DNAH9: variants seen among roughly 807,000 people sequenced by gnomAD.
DNAH9 encodes DNAH9 variant protein.
A neutral mutation model predicts 471.6 loss-of-function variants in DNAH9; 345 were observed. The observed-to-expected ratio is 0.73, with a 90% CI of 0.67 to 0.80. The LOEUF (loss-of-function observed/expected upper bound fraction) is 0.80. DNAH9 is among the 30% of genes least tolerant of loss of function. DNAH9 has a pLI of 0.00. For synonymous variants in DNAH9, 2,093 were observed against 2,123.6 expected (o/e 0.99, Z 0.40); for missense variants, 5,407 against 5,609.2 (o/e 0.96, Z 1.15).
intron 28 of DNAH9, among the ~76,000 whole-genome samples, chr17:11,729,219 C>T (rs974591367): frequency 1.3e-5 from 2 of 152,092 alleles, no homozygotes; most frequent in African/African-American, 4.8e-5. Flanking sequence ...GCTCCATTCC[C>T]CCCAGGAACC....
chr17:11,942,554 AAGG>A, intron 67 of DNAH9, 69 bp downstream of exon 67: 1 of 1,500,074 alleles, frequency 6.7e-7, no homozygotes, highest in Non-Finnish European at 9.0e-7. Context: ...TATGGGGAAG[AAGG>A]AGCACTGGGG....
chr17:11,799,711 G>A (rs1908016216), intron 43 of DNAH9, among the ~76,000 whole-genome samples: 1 of 152,182 alleles, frequency 6.6e-6, no homozygotes, highest in Non-Finnish European at 1.5e-5. Context: ...AGCCTCTGAA[G>A]TAGCTGGGAT....
Position 11,598,550 on chromosome 17 carries a change from G to A in DNAH9, c.52G>A (p.Glu18Lys). The change falls in exon 1 of 69, where the codon GAA becomes AAA. Residue 18 changes from glutamate (E) to lysine (K), a missense_variant. By Grantham distance (56) the Glu-to-Lys change is moderately conservative. Coordinates refer to ENST00000262442, the MANE Select transcript of DNAH9 (RefSeq NM_001372.4). The stretch of plus-strand genomic sequence containing the variant: ...GCTCGCGGCGGAGAACGCGGATGGG[G>A]AACCCGGCGCCGACCGACGACTGCG... ...AALAAENADG[E>K]PGADRRLRLL... 7.1e-7 allele frequency: 1 copy of A among 1,409,746 alleles called. No homozygotes were observed. Among genetic ancestry groups the A allele is most frequent in the South Asian group, 1.5e-5 (1 of 65,864 alleles). 87.3% of individuals were successfully genotyped at this position (1,409,746 alleles called of 1,614,324 possible).
chr17:11,773,142 AG>A (rs1968281219), intron 38 of DNAH9, among the ~76,000 whole-genome samples: 1 of 152,218 alleles, frequency 6.6e-6, no homozygotes, highest in African/African-American at 2.4e-5. Flanking sequence ...TTCAATGAAG[AG>A]GCAAACTGTT....
Position 11,757,578 on chromosome 17 carries a change from G to C in DNAH9, c.6881G>C (p.Trp2294Ser), listed in dbSNP as rs1161351244. The C allele has an allele frequency of 1.2e-6, 2 of 1,613,794 alleles. No homozygotes were observed. The highest frequency in any genetic ancestry group is 2.7e-5 in the African/African-American group (2 of 74,904). The change falls in exon 35 of 69, where the codon TGG (tryptophan) becomes TCG (serine). Residue 2294 changes from tryptophan (W) to serine (S), a missense_variant. Trp to Ser is a radical substitution (Grantham distance 177, BLOSUM62 -3). This residue lies in a region of DNAH9 where 4,636 missense variants were observed against 4,900.3 expected (regional missense o/e 0.95). Coordinates refer to ENST00000262442, the MANE Select transcript of DNAH9 (RefSeq NM_001372.4). ...TACATCAACCCGGCAGACTTGGGAT[G>C]GAACCCTCCAGTGAGCAGCTGGATT... The part of the protein sequence containing the change: ...ILYINPADLG[W>S]NPPVSSWIEK...
At chr17:11,894,604 A>T in intron 59 of DNAH9, 108 bp downstream of exon 59, 1 of 1,454,520 alleles carries the variant, frequency 6.9e-7, no homozygotes, top group Non-Finnish European at 9.3e-7. Context: ...TCAAGCATGG[A>T]GCTGTGTTAA....
intron 45 of DNAH9, among the ~76,000 whole-genome samples, chr17:11,815,144 T>C (rs567488339): frequency 2.0e-5 from 3 of 151,762 alleles, no homozygotes; most frequent in South Asian, 4.2e-4. Context: ...CAAAGAGCAA[T>C]GCAAAAAGAA....
intron 43 of DNAH9, among the ~76,000 whole-genome samples, chr17:11,799,282 G>T (rs183752316): frequency 2.0e-5 from 3 of 151,672 alleles, no homozygotes; most frequent in Non-Finnish European, 4.4e-5. Flanking sequence ...TCATTCATTG[G>T]ACCAACTACT....
chr17:11,645,021 A>G (rs2073354516), intron 11 of DNAH9, among the ~76,000 whole-genome samples: 1 of 152,234 alleles, frequency 6.6e-6, no homozygotes, highest in African/African-American at 2.4e-5. Context: ...CTCAGCAGAA[A>G]GCAACAGTGC....
At chr17:11,877,624 C>G (rs139762623) in intron 53 of DNAH9, among the ~76,000 whole-genome samples, 2 of 151,990 alleles carry the variant, frequency 1.3e-5, no homozygotes, top group African/African-American at 4.8e-5. Flanking sequence ...CAAGCATGCA[C>G]GCACTAAGGT....
chr17:11,620,545 A>C (rs965926369), intron 6 of DNAH9, among the ~76,000 whole-genome samples: 2 of 151,784 alleles, frequency 1.3e-5, no homozygotes, highest in African/African-American at 2.4e-5. Context: ...TTTAATAAAT[A>C]GTTGTCATTT....
At position 11,913,643 on chromosome 17, in the gene DNAH9, G is replaced by A. The variant is rs1482988745; in HGVS notation, c.11749+7834G>A. Among the ~76,000 whole-genome samples, 9 of 151,978 alleles carry A rather than the reference G, an allele frequency of 5.9e-5. No individual in the cohort carries two copies. The South Asian group carries it at 6.2e-4, about 11-fold the overall frequency. On this transcript the variant is annotated intron_variant, in intron 61 of 68. Transcript: ENST00000262442. ...TAAAAATACAAAAAATTAGCTGGGC[G>A]TGGTGGCAGGCACCTGTAGTCCCAG...
intron 30 of DNAH9, among the ~76,000 whole-genome samples, chr17:11,743,560 C>T (rs918560958): frequency 2.0e-5 from 3 of 152,212 alleles, no homozygotes; most frequent in Non-Finnish European, 4.4e-5. Context: ...CCTACCTCAA[C>T]AGCAGCGGCT....
intron 50 of DNAH9, among the ~76,000 whole-genome samples, chr17:11,855,185 AG>A (rs1422050355): frequency 6.6e-6 from 1 of 152,100 alleles, no homozygotes; most frequent in African/African-American, 2.4e-5. Context: ...TACAGGTATG[AG>A]CCACTGAGCC....
chr17:11,863,100 G>A (rs2150979125), intron 50 of DNAH9, among the ~76,000 whole-genome samples: 1 of 152,300 alleles, frequency 6.6e-6, no homozygotes, highest in African/African-American at 2.4e-5. Flanking sequence ...TCTTGTGCCA[G>A]TTTTCAAAGG....
intron 26 of DNAH9, among the ~76,000 whole-genome samples, chr17:11,706,440 A>C (rs1297249692): frequency 6.6e-6 from 1 of 152,184 alleles, no homozygotes; most frequent in East Asian, 1.9e-4. Context: ...GGGAAATAAG[A>C]CATATGTAGA....
intron 28 of DNAH9, among the ~76,000 whole-genome samples, chr17:11,729,238 A>G (rs1403011229): frequency 6.6e-6 from 1 of 152,070 alleles, no homozygotes; most frequent in Admixed American, 6.5e-5. Context: ...CCCCATCTCC[A>G]AGATAAAGCA....
Position 11,871,565 on chromosome 17 carries a change from G to A in DNAH9, c.10054-33G>A, listed in dbSNP as rs540193105. On this transcript the variant is annotated intron_variant, in intron 51 of 68. Coordinates refer to ENST00000262442, the MANE Select transcript of DNAH9 (RefSeq NM_001372.4). ...GGCTCTATCACCTACTGTGTAACAC[G>A]CCTCCTCTCCTCTCTGGCTTTTGAA... 8.7e-6 allele frequency: 14 copies of A among 1,601,028 alleles called. No individual in the cohort carries two copies. The East Asian group carries it at 1.1e-4, about 13-fold the overall frequency.
At chr17:11,758,306 A>C (rs1967494452) in intron 35 of DNAH9, among the ~76,000 whole-genome samples, 1 of 152,218 alleles carries the variant, frequency 6.6e-6, no homozygotes, top group Non-Finnish European at 1.5e-5. Context: ...TTACTACAGC[A>C]AGAATACTAT....
Sources: gnomAD v4.1 joint callset for allele counts (sites outside exome capture counted in the v4.1 genomes callset) on GRCh38, gnomAD v4.1.1 for gene constraint, gnomAD v4.1.1 regional missense constraint, MANE v1.5 for transcripts, NCBI Gene and HGNC (gene_info 2026-07-23, HGNC 2026-07-21) for gene names.